Variants in NUBP1 observed in about 807,000 individuals in gnomAD.
The protein encoded by NUBP1 is cytosolic Fe-S cluster assembly factor NUBP1.
In NUBP1, 46 loss-of-function variants were observed where a neutral mutation model predicts 41.8. That is an observed-to-expected ratio of 1.10 (90% CI 0.87 to 1.41). The LOEUF is 1.41. NUBP1 is among the 40% of genes most tolerant of loss of function. The pLI, the probability that NUBP1 is intolerant of heterozygous loss-of-function variation, is 0.00. For synonymous variants in NUBP1, 189 were observed against 154.6 expected (o/e 1.22, Z -1.65); for missense variants, 494 against 414.0 (o/e 1.19, Z -1.68).
intron 3 of NUBP1, among the ~76,000 whole-genome samples, chr16:10,748,464 T>A (rs967903765): frequency 6.6e-6 from 1 of 152,108 alleles, no homozygotes; most frequent in African/African-American, 2.4e-5. Context: ...TAAAAGGGGT[T>A]GGTGGGTCGC....
At position 10,767,861 on chromosome 16, in the gene NUBP1, G is replaced by C; in HGVS notation, c.821-88G>C. ...GAAGCGGGCTCAAGATCTTCCCATT[G>C]TCACCAGCACGGAAAGAGCCCCAAG... On this transcript the variant is annotated intron_variant, in intron 9 of 10. Coordinates refer to ENST00000283027, the MANE Select transcript of NUBP1 (RefSeq NM_002484.4). This position sits in a 1 kb window ranked among gnomAD's most constrained non-coding sequence, Gnocchi z 4.6. 8.1e-7 allele frequency: 1 copy of C among 1,229,796 alleles called. No individual in the cohort carries two copies. Among genetic ancestry groups the C allele is most frequent in the Non-Finnish European group, 1.2e-6 (1 of 834,960 alleles). The allele number at this position is 1,229,796 out of a possible 1,614,324, so 76.2% of individuals were successfully genotyped here.
At chr16:10,747,854 T>C (rs561821659) in intron 3 of NUBP1, among the ~76,000 whole-genome samples, 2 of 152,368 alleles carry the variant, frequency 1.3e-5, no homozygotes, top group South Asian at 4.1e-4. Flanking sequence ...TTAGCTTTTC[T>C]CTAAGCCAGG....
rs1900653966 is a variant in NUBP1, at chr16:10,757,744, C to T, written c.452-129C>T. 8.9e-7 allele frequency: 1 copy of T among 1,125,356 alleles called. No homozygotes were observed. The allele number at this position is 1,125,356 out of a possible 1,614,324, so 69.7% of individuals were successfully genotyped here. ...TTGGGAGGCTGAGGTGGGAGGATTGCTTGAGCCTCAGAGTTAAGAGCCAAC... is the reference window on the plus strand; with the variant it reads ...TTGGGAGGCTGAGGTGGGAGGATTGTTTGAGCCTCAGAGTTAAGAGCCAAC... On this transcript the variant is annotated intron_variant, in intron 6 of 10. Transcript: ENST00000283027. The surrounding 1 kb of genome is among the most constrained non-coding windows in gnomAD (Gnocchi z 4.1).
chr16:10,752,834 C>T (rs1372818610), intron 4 of NUBP1, among the ~76,000 whole-genome samples, 156 bp downstream of exon 4: 1 of 152,204 alleles, frequency 6.6e-6, no homozygotes, highest in Non-Finnish European at 1.5e-5. Context: ...TCACTCTTGT[C>T]GCCCGGGCTG....
At chr16:10,750,267 CGGA>C (rs1900260113) in intron 3 of NUBP1, among the ~76,000 whole-genome samples, 1 of 152,176 alleles carries the variant, frequency 6.6e-6, no homozygotes, top group Admixed American at 6.5e-5. Context: ...TTTTTTGAGA[CGGA>C]GTCTCATTCT....
In NUBP1 at chr16:10,769,081, A is replaced by G. The variant is rs776450811; in HGVS notation, c.939A>G (p.Lys313=). The change falls in exon 11 of 11, where the codon AAA becomes AAG. Residue 313 remains lysine, a synonymous_variant. Coordinates refer to ENST00000283027, the MANE Select transcript of NUBP1 (RefSeq NM_002484.4). ...IQEFCNLHQS[K]EENLISS ...AGTTTTGTAATCTCCATCAGTCAAAAGAAGAGAACCTCATCAGTTCCTGAA... is the reference window on the plus strand; with the variant it reads ...AGTTTTGTAATCTCCATCAGTCAAAGGAAGAGAACCTCATCAGTTCCTGAA... 22 of 1,614,014 alleles carry G rather than the reference A, an allele frequency of 1.4e-5. No homozygotes were observed. Among genetic ancestry groups the G allele is most frequent in the African/African-American group, 4.0e-5 (3 of 74,892 alleles).
chr16:10,752,848 T>A (rs1900384002), intron 4 of NUBP1, among the ~76,000 whole-genome samples, 170 bp downstream of exon 4: 1 of 152,190 alleles, frequency 6.6e-6, no homozygotes, highest in Non-Finnish European at 1.5e-5. Flanking sequence ...CGGGCTGGAG[T>A]GCAGTGGTGC....
At position 10,761,855 on chromosome 16, in the gene NUBP1, C is replaced by G; in HGVS notation, c.816C>G (p.Leu272=). Reference sequence around the variant, plus strand: ...TCGGCAGAGTGCCCCTGGATCCGCTCATAGGTGGGTGACCCCAGTGTGGGG... The same window carrying G: ...TCGGCAGAGTGCCCCTGGATCCGCTGATAGGTGGGTGACCCCAGTGTGGGG... The part of the protein sequence containing the change: ...PLLGRVPLDP[L]IGKNCDKGQS... The change falls in exon 9 of 11, where the codon CTC becomes CTG. Residue 272 remains leucine, a synonymous_variant. Transcript: ENST00000283027. The G allele has an allele frequency of 6.2e-7, 1 of 1,613,054 alleles. No homozygotes were observed. Among genetic ancestry groups the G allele is most frequent in the Non-Finnish European group, 8.5e-7 (1 of 1,179,152 alleles).
At chr16:10,754,403 C>G (rs1048460181) in intron 4 of NUBP1, among the ~76,000 whole-genome samples, 2 of 151,872 alleles carry the variant, frequency 1.3e-5, no homozygotes, top group Non-Finnish European at 2.9e-5. Context: ...CCACCACGTC[C>G]AGCTATTTTT....
chr16:10,760,969 C>A (rs1596463126), intron 7 of NUBP1: 2 of 193,210 alleles, frequency 1.0e-5, no homozygotes, highest in East Asian at 2.8e-4. Flanking sequence ...TGGGAAGGCC[C>A]CAGGAAACTT....
rs7193873 is a variant in NUBP1 at position 10,750,549 on chromosome 16, A to T, written c.259-2061A>T. ...AAGCCACCACACCCAGCCACCATAA[A>T]TTAAACATTTATGATCTTTGTGATC... is the stretch of plus-strand genomic sequence containing the variant. On this transcript the variant is annotated intron_variant, in intron 3 of 10. Coordinates refer to ENST00000283027, the MANE Select transcript of NUBP1 (RefSeq NM_002484.4). 7.4e-3 allele frequency among the ~76,000 whole-genome samples: 1,132 copies of T among 152,330 alleles called. 14 individuals are homozygous for T. The highest frequency in any genetic ancestry group is 0.026 in the African/African-American group (1,076 of 41,578).
intron 4 of NUBP1, 143 bp from the exon 5 acceptor site, chr16:10,755,578 T>G: frequency 1.2e-6 from 1 of 804,810 alleles, no homozygotes; most frequent in Non-Finnish European, 2.0e-6. Context: ...TTCACCTCCT[T>G]TTAGGAATTT....
chr16:10,755,898 T>A, intron 5 of NUBP1, 145 bp downstream of exon 5: 2 of 732,386 alleles, frequency 2.7e-6, no homozygotes, highest in Non-Finnish European at 4.7e-6. Context: ...ATTGGCAGGC[T>A]TTTTCTGTAA....
chr16:10,769,176 C>A lies in NUBP1; in HGVS notation c.*71C>A. The stretch of plus-strand genomic sequence containing the variant: ...ACTGGGCAGCACATCCAGCCAGACC[C>A]GACCAGCTCCGGGATGGGGTGGGTC... On this transcript the variant is annotated 3_prime_UTR_variant, in exon 11 of 11. Coordinates refer to ENST00000283027, the MANE Select transcript of NUBP1 (RefSeq NM_002484.4). The A allele has an allele frequency of 7.0e-7, 1 of 1,424,792 alleles. No individual in the cohort carries two copies. Among genetic ancestry groups the A allele is most frequent in the Non-Finnish European group, 9.9e-7 (1 of 1,011,814 alleles). 88.3% of individuals were successfully genotyped at this position (1,424,792 alleles called of 1,614,324 possible).
chr16:10,747,323 C>A, intron 3 of NUBP1, 47 bp downstream of exon 3: 2 of 1,602,354 alleles, frequency 1.2e-6, no homozygotes, highest in South Asian at 1.1e-5. Flanking sequence ...GTCTGAGGGT[C>A]GTGATGGCTA....
At chr16:10,761,891 C>T (rs1182575068) in intron 9 of NUBP1, 32 bp downstream of exon 9, 21 of 1,543,024 alleles carry the variant, frequency 1.4e-5, no homozygotes, top group Non-Finnish European at 1.8e-5. Flanking sequence ...CGGCACCTCA[C>T]TCCTCGGTCA....
intron 7 of NUBP1, 142 bp from the exon 8 acceptor site, chr16:10,761,222 A>C: frequency 1.5e-6 from 1 of 655,812 alleles, no homozygotes; most frequent in Non-Finnish European, 2.6e-6. Context: ...GGATGGGGAC[A>C]CAGAGCCAAA....
intron 7 of NUBP1, 164 bp from the exon 8 acceptor site, chr16:10,761,200 G>C (rs893195924): frequency 3.5e-6 from 2 of 567,982 alleles, no homozygotes; most frequent in South Asian, 2.0e-5. Flanking sequence ...ATTACAGTTC[G>C]AGCTGAGATT....
At chr16:10,755,135 CTA>C in intron 4 of NUBP1, among the ~76,000 whole-genome samples, 1 of 152,298 alleles carries the variant, frequency 6.6e-6, no homozygotes, top group Non-Finnish European at 1.5e-5. Flanking sequence ...GTCATATTGT[CTA>C]TGAATCATGT....
Sources: gnomAD v4.1 joint callset for allele counts (sites outside exome capture counted in the v4.1 genomes callset) on GRCh38, gnomAD v4.1.1 for gene constraint, Gnocchi (gnomAD v3.1) non-coding constraint, MANE v1.5 for transcripts, NCBI Gene and HGNC (gene_info 2026-07-23, HGNC 2026-07-21) for gene names.